The following PRH1 variants were observed in gnomAD, a reference collection of about 807,000 sequenced individuals.
PRH1 encodes the protein proline rich protein HaeIII subfamily 1, also known as salivary acidic proline-rich phosphoprotein 1/2.
Under a neutral mutation model 7.9 loss-of-function variants are expected in PRH1, and 7 were observed. The ratio of observed to expected loss-of-function variants is 0.89; its 90% confidence interval spans 0.50 to 1.67. The LOEUF (loss-of-function observed/expected upper bound fraction) is 1.67, where lower values mean the gene tolerates loss of function less well. Among genes scored for constraint, PRH1 ranks in the 40% most tolerant of loss-of-function variants. The pLI, the probability that PRH1 is intolerant of heterozygous loss-of-function variation, is 0.00. For missense variants in PRH1, 109 were observed against 223.6 expected, an observed-to-expected ratio of 0.49 and a Z score of 3.27; for synonymous variants, 45 against 80.8, an observed-to-expected ratio of 0.56 and a Z score of 2.38.
At chr12:11,054,795 CTTTTTTTT>C (rs71051560) in intron 1 of PRH1, among the ~76,000 whole-genome samples, 25 of 52,798 alleles carry the variant, frequency 4.7e-4, no homozygotes, top group South Asian at 2.2e-3. Flanking sequence ...TCTGATGTTT[CTTTTTTTT>C]TTTTTTTTTT....
intron 2 of PRH1, among the ~76,000 whole-genome samples, chr12:10,933,259 A>G (rs1950239475): frequency 6.6e-6 from 1 of 152,094 alleles, no homozygotes; most frequent in African/African-American, 2.4e-5. Flanking sequence ...TGACCTTAAA[A>G]ATATATTAAA....
At chr12:11,051,131 T>C (rs1943124686), upstream of PRH1, among the ~76,000 whole-genome samples, 1 of 152,262 alleles carries the variant, frequency 6.6e-6, no homozygotes, top group African/African-American at 2.4e-5. Context: ...AAGCCAAGCG[T>C]GTGGGAAACA....
intron 1 of PRH1, among the ~76,000 whole-genome samples, chr12:11,102,777 T>G (rs1945295101): frequency 6.6e-6 from 1 of 152,108 alleles, no homozygotes; most frequent in African/African-American, 2.4e-5. Flanking sequence ...GAGAAAATTT[T>G]TACAATCTAC....
intron 1 of PRH1, among the ~76,000 whole-genome samples, chr12:10,981,189 A>C (rs1939332243): frequency 6.6e-6 from 1 of 152,094 alleles, no homozygotes; most frequent in African/African-American, 2.4e-5. Context: ...AGGATGTATC[A>C]TATGTTGCTT....
chr12:11,030,107 T>C (rs73049060), intron 1 of PRH1, among the ~76,000 whole-genome samples: 47 of 19,874 alleles, frequency 2.4e-3, no homozygotes, highest in East Asian at 0.016. Context: ...GAATGAAATA[T>C]ACATGGCTTC....
At chr12:10,986,988 A>C in intron 1 of PRH1, 1 of 658,946 alleles carries the variant, frequency 1.5e-6, no homozygotes, top group Non-Finnish European at 2.3e-6. Context: ...TTTACTTTTA[A>C]ACACTGTGAC....
At chr12:10,994,092 T>C (rs566842828) in intron 1 of PRH1, among the ~76,000 whole-genome samples, 1 of 152,310 alleles carries the variant, frequency 6.6e-6, no homozygotes, top group African/African-American at 2.4e-5. Context: ...CACATCTGAA[T>C]GGCACAAGGA....
At chr12:11,098,561 T>C (rs1267268813) in intron 1 of PRH1, among the ~76,000 whole-genome samples, 3 of 152,218 alleles carry the variant, frequency 2.0e-5, no homozygotes, top group African/African-American at 4.8e-5. Context: ...TTTAGCAACT[T>C]CAGTTGTTTG....
chr12:10,992,641 G>A (rs1386863991), intron 1 of PRH1, among the ~76,000 whole-genome samples: 1 of 152,104 alleles, frequency 6.6e-6, no homozygotes, highest in African/African-American at 2.4e-5. Context: ...TGGAACTCCT[G>A]GCCTCAAGTG....
At chr12:11,108,424 C>T (rs898093963) in intron 1 of PRH1, among the ~76,000 whole-genome samples, 2 of 152,142 alleles carry the variant, frequency 1.3e-5, no homozygotes, top group African/African-American at 4.8e-5. Context: ...CCAGCAAGAT[C>T]AACACAAAAG....
chr12:11,086,385 G>C (rs112707876), intron 1 of PRH1, among the ~76,000 whole-genome samples: 35,811 of 98,378 alleles, frequency 0.36, 4,590 homozygotes, highest in Non-Finnish European at 0.46. Context: ...GAATATTCAG[G>C]TTTATTTTTC....
At chr12:11,049,695 C>G (rs199534406), upstream of PRH1, among the ~76,000 whole-genome samples, 18 of 152,230 alleles carry the variant, frequency 1.2e-4, no homozygotes, top group East Asian at 3.3e-3. Context: ...ACCCAATACA[C>G]ATATCATACA....
At chr12:11,163,770 C>A (rs1334850655) in intron 1 of PRH1, among the ~76,000 whole-genome samples, 2 of 152,178 alleles carry the variant, frequency 1.3e-5, no homozygotes, top group Admixed American at 1.3e-4. Context: ...AGCTAAGCAT[C>A]TAGATACAAT....
intron 1 of PRH1, among the ~76,000 whole-genome samples, chr12:11,067,689 C>T (rs1466115641): frequency 6.6e-6 from 1 of 152,158 alleles, no homozygotes; most frequent in African/African-American, 2.4e-5. Context: ...TGCCAAAACC[C>T]TGTCTCTACC....
downstream of PRH1, among the ~76,000 whole-genome samples, chr12:11,118,787 G>T (rs2136319172): frequency 6.6e-6 from 1 of 152,212 alleles, no homozygotes; most frequent in Admixed American, 6.5e-5. Context: ...GAGGTCAAGA[G>T]ATTGAGACCA....
intron 1 of PRH1, among the ~76,000 whole-genome samples, chr12:11,076,352 G>A (rs1398611986): frequency 1.1e-4 from 2 of 18,184 alleles, no homozygotes; most frequent in South Asian, 7.9e-3. Flanking sequence ...AACATTTAAC[G>A]AAAGTTTAAC....
intron 1 of PRH1, among the ~76,000 whole-genome samples, chr12:11,149,130 A>G (rs962420737): frequency 3.2e-4 from 49 of 151,582 alleles, no homozygotes; most frequent in African/African-American, 1.1e-3. Flanking sequence ...ATCGGTGGTG[A>G]TATCCCCTTT....
intron 1 of PRH1, among the ~76,000 whole-genome samples, chr12:11,104,393 C>G (rs941108082): frequency 6.6e-6 from 1 of 151,998 alleles, no homozygotes; most frequent in Non-Finnish European, 1.5e-5. Flanking sequence ...GTTTTTCAAA[C>G]TTTACGTCAA....
intron 1 of PRH1, among the ~76,000 whole-genome samples, chr12:11,164,721 C>T (rs1266750156): frequency 2.0e-5 from 3 of 148,524 alleles, no homozygotes; most frequent in Non-Finnish European, 4.5e-5. Flanking sequence ...TTGTTTTCTA[C>T]CTAATGTGGT....
Sources: allele counts gnomAD v4.1 joint callset (sites outside exome capture counted in the v4.1 genomes callset), GRCh38; gene constraint gnomAD v4.1.1; transcripts MANE v1.5; gene names NCBI Gene and HGNC (gene_info 2026-07-23, HGNC 2026-07-21).